VRK1: variants seen among roughly 807,000 people sequenced by gnomAD.
The protein encoded by VRK1 is VRK serine/threonine kinase 1.
A neutral mutation model predicts 57.1 loss-of-function variants in VRK1; 33 were observed. The ratio of observed to expected loss-of-function variants is 0.58; its 90% CI spans 0.44 to 0.77. VRK1 has a LOEUF of 0.77. Ranked by LOEUF, VRK1 falls within the 30% of genes least tolerant of loss-of-function variation. VRK1 has a pLI of 0.00. For synonymous variants in VRK1, 137 were observed against 147.8 expected, an observed-to-expected ratio of 0.93 and a Z score of 0.53; for missense variants, 413 against 477.3, an observed-to-expected ratio of 0.87 and a Z score of 1.25.
In VRK1 at chr14:96,815,606, G is replaced by A. The variant is rs532938589; in HGVS notation, c.-5-17861G>A. Among the ~76,000 whole-genome samples the A allele has an allele frequency of 8.5e-5, 13 of 152,154 alleles. No homozygotes were observed. In the South Asian group the frequency reaches 2.7e-3, roughly 32 times the overall value. ...TTTTTAACAAATGAGAAAAAAAGCC[G>A]GGTGCGGTGGTTCGTGCCTGTAATC... is the stretch of plus-strand genomic sequence containing the variant. On this transcript the variant is annotated intron_variant, in intron 1 of 12. Coordinates refer to ENST00000216639, the MANE Select transcript of VRK1 (RefSeq NM_003384.3).
intron 1 of VRK1, among the ~76,000 whole-genome samples, chr14:96,824,931 GTGT>G (rs1886745517): frequency 6.6e-6 from 1 of 152,148 alleles, no homozygotes; most frequent in Admixed American, 6.5e-5. Context: ...GAGATTACAG[GTGT>G]GAGCCACCGC....
At chr14:96,821,219 C>T (rs908933834) in intron 1 of VRK1, among the ~76,000 whole-genome samples, 1 of 152,086 alleles carries the variant, frequency 6.6e-6, no homozygotes, top group Admixed American at 6.6e-5. Flanking sequence ...AGCACAGTTC[C>T]TGGCACATAT....
chr14:96,855,254 C>A lies in VRK1; in HGVS notation c.607C>A (p.Arg203=). The change falls in exon 8 of 13, where the codon CGG becomes AGG. Residue 203 remains arginine (R), a synonymous_variant. Transcript: ENST00000216639. ...CTTGGTAGATTATGGCCTTGCTTATCGGTACTGCCCAGAAGGAGTTCATAA... is the reference window on the plus strand; with the variant it reads ...CTTGGTAGATTATGGCCTTGCTTATAGGTACTGCCCAGAAGGAGTTCATAA... The part of the protein sequence containing the change: ...VYLVDYGLAY[R]YCPEGVHKEY... 2 of 1,614,002 alleles carry A rather than the reference C, an allele frequency of 1.2e-6. No individual in the cohort carries two copies. Among genetic ancestry groups the A allele is most frequent in the Non-Finnish European group, 1.7e-6 (2 of 1,179,954 alleles).
At chr14:96,856,370 G>T in intron 9 of VRK1, 120 bp downstream of exon 9, 1 of 1,404,820 alleles carries the variant, frequency 7.1e-7, no homozygotes, top group Non-Finnish European at 9.8e-7. Flanking sequence ...GAAAGTACTT[G>T]TTAAACAGTA....
At chr14:96,836,634 C>T (rs369270098) in intron 2 of VRK1, among the ~76,000 whole-genome samples, 60 of 151,316 alleles carry the variant, frequency 4.0e-4, no homozygotes, top group Middle Eastern at 3.4e-3. Flanking sequence ...GTGATTCTCC[C>T]ACCTCAGCCT....
intron 3 of VRK1, among the ~76,000 whole-genome samples, chr14:96,839,103 TG>T (rs1317527495): frequency 3.3e-5 from 5 of 151,180 alleles, no homozygotes; most frequent in African/African-American, 9.7e-5. Context: ...TTTTTTTTTT[TG>T]CCGTGAATGA....
intron 3 of VRK1, among the ~76,000 whole-genome samples, chr14:96,840,699 C>A (rs1054249930): frequency 6.6e-6 from 1 of 152,144 alleles, no homozygotes; most frequent in African/African-American, 2.4e-5. Context: ...CTCCTTCTGA[C>A]GTCTCATAAC....
chr14:96,862,392 C>G (rs1595682105), intron 11 of VRK1, among the ~76,000 whole-genome samples: 2 of 152,202 alleles, frequency 1.3e-5, no homozygotes, highest in East Asian at 3.9e-4. Flanking sequence ...TTTTTGTACA[C>G]TCATTGCTGA....
At chr14:96,831,730 T>C (rs1595658983) in intron 1 of VRK1, among the ~76,000 whole-genome samples, 1 of 152,124 alleles carries the variant, frequency 6.6e-6, no homozygotes, top group Admixed American at 6.6e-5. Flanking sequence ...ATAAAAAACA[T>C]GTTGTCCACT....
intron 1 of VRK1, among the ~76,000 whole-genome samples, chr14:96,812,476 G>C (rs997107915): frequency 6.6e-6 from 1 of 152,058 alleles, no homozygotes; most frequent in African/African-American, 2.4e-5. Context: ...TTGTGGTCTT[G>C]ACTTTCATTT....
At chr14:96,810,548 A>G (rs1478645296) in intron 1 of VRK1, among the ~76,000 whole-genome samples, 1 of 152,198 alleles carries the variant, frequency 6.6e-6, no homozygotes, top group Non-Finnish European at 1.5e-5. Context: ...TACAAGTAGT[A>G]ACAGGTGGCA....
chr14:96,855,317 A>T lies in VRK1; in HGVS notation c.670A>T (p.Thr224Ser). The T allele has an allele frequency of 6.2e-7, 1 of 1,614,130 alleles. No homozygotes were observed. The highest frequency in any genetic ancestry group is 8.5e-7 in the Non-Finnish European group (1 of 1,179,980). ...AGACCCCAAAAGATGTCACGATGGC[A>T]CTATTGAATTCACGAGCATCGATGC... ...KEDPKRCHDGTIEFTSIDAHN... is the reference protein window; with the variant it reads ...KEDPKRCHDGSIEFTSIDAHN... The change falls in exon 8 of 13, where the codon ACT becomes TCT. Residue 224 changes from threonine (T) to serine (S), a missense_variant. Around this residue, in one of 3 missense-constraint regions of VRK1, gnomAD observed 151 missense variants for 225.5 expected, o/e 0.67. Coordinates refer to ENST00000216639, the MANE Select transcript of VRK1 (RefSeq NM_003384.3).
chr14:96,839,338 AC>A (rs1455596172), intron 3 of VRK1, among the ~76,000 whole-genome samples: 5 of 151,574 alleles, frequency 3.3e-5, no homozygotes, highest in Admixed American at 3.3e-4. Flanking sequence ...TTTTATGGAG[AC>A]AGGTTTTTAT....
intron 2 of VRK1, among the ~76,000 whole-genome samples, chr14:96,835,946 T>C (rs564126745): frequency 1.4e-4 from 22 of 152,282 alleles, no homozygotes; most frequent in African/African-American, 5.3e-4. Flanking sequence ...ACGATCATCC[T>C]GTTTAAACCT....
At chr14:96,863,679 A>G (rs547921923) in intron 11 of VRK1, among the ~76,000 whole-genome samples, 1 of 152,244 alleles carries the variant, frequency 6.6e-6, no homozygotes, top group African/African-American at 2.4e-5. Context: ...GATTATTCAC[A>G]TACCTTTCTT....
At chr14:96,834,629 A>G (rs987001275) in intron 2 of VRK1, among the ~76,000 whole-genome samples, 1 of 152,204 alleles carries the variant, frequency 6.6e-6, no homozygotes, top group Non-Finnish European at 1.5e-5. Flanking sequence ...TTCTGGAGCT[A>G]TCTTTATGAA....
intron 1 of VRK1, among the ~76,000 whole-genome samples, chr14:96,829,136 A>G (rs1595657068): frequency 6.6e-6 from 1 of 152,338 alleles, no homozygotes; most frequent in South Asian, 2.1e-4. Context: ...TTCAAAAGAA[A>G]AATGAGCCGA....
At chr14:96,872,741 A>C (rs1020866184) in intron 11 of VRK1, among the ~76,000 whole-genome samples, 1 of 152,168 alleles carries the variant, frequency 6.6e-6, no homozygotes, top group Non-Finnish European at 1.5e-5. Context: ...ATTTTAACTA[A>C]ATCTATTAGT....
chr14:96,800,872 C>T (rs1885632415), intron 1 of VRK1, among the ~76,000 whole-genome samples: 1 of 151,718 alleles, frequency 6.6e-6, no homozygotes, highest in Admixed American at 6.6e-5. Flanking sequence ...ATTGCAAGCA[C>T]AAGCAAATTA....
Sources: allele counts gnomAD v4.1 joint callset (sites outside exome capture counted in the v4.1 genomes callset), GRCh38; gene constraint gnomAD v4.1.1; regional missense constraint gnomAD v4.1.1; transcripts MANE v1.5; gene names NCBI Gene and HGNC (gene_info 2026-07-23, HGNC 2026-07-21).